The following SMIM27 variants were observed in gnomAD, a reference collection of about 807,000 sequenced individuals.
SMIM27 encodes the protein TOPORS antisense RNA 1 (non-protein coding).
In SMIM27, 3 loss-of-function variants were observed where a neutral mutation model predicts 1.8. The ratio of observed to expected loss-of-function variants is 1.65; its 90% CI spans 0.75 to 4.28. The LOEUF (loss-of-function observed/expected upper bound fraction) is 4.28. SMIM27 is among the 30% of genes most tolerant of loss of function. The pLI is 0.02. For missense variants in SMIM27, 63 were observed against 37.0 expected, an observed-to-expected ratio of 1.70 and a Z score of -1.83; for synonymous variants, 19 against 13.9, an observed-to-expected ratio of 1.37 and a Z score of -0.82.
chr9:32,565,031 G>A (rs961329810), intron 1 of SMIM27, among the ~76,000 whole-genome samples: 8 of 152,106 alleles, frequency 5.3e-5, no homozygotes, highest in Non-Finnish European at 8.8e-5. Flanking sequence ...GGTGGCTCAC[G>A]CTTGTAATCC....
exon 2 of SMIM27, chr9:32,566,484 G>A (rs1821793534): frequency 5.1e-6 from 4 of 790,868 alleles, no homozygotes; most frequent in South Asian, 1.3e-5. Flanking sequence ...AGGGACCCTG[G>A]CAGGAGAACT....
downstream of SMIM27, among the ~76,000 whole-genome samples, chr9:32,556,587 G>T (rs932087247): frequency 6.6e-6 from 1 of 152,138 alleles, no homozygotes; most frequent in Non-Finnish European, 1.5e-5. Context: ...ACAGAAACAA[G>T]AAAGAACCAC....
chr9:32,555,656 G>A (rs534699396), downstream of SMIM27, among the ~76,000 whole-genome samples: 3 of 152,336 alleles, frequency 2.0e-5, no homozygotes, highest in Non-Finnish European at 4.4e-5. Flanking sequence ...CTGCCAGAAT[G>A]TTTGAAATTA....
chr9:32,554,925 G>A (rs1821413880), downstream of SMIM27, among the ~76,000 whole-genome samples: 1 of 152,112 alleles, frequency 6.6e-6, no homozygotes, highest in Non-Finnish European at 1.5e-5. Context: ...AGAAGTAGCT[G>A]GGAAAAAAAG....
At chr9:32,558,381 G>C (rs1563992522) in intron 1 of SMIM27, among the ~76,000 whole-genome samples, 1 of 152,160 alleles carries the variant, frequency 6.6e-6, no homozygotes, top group Non-Finnish European at 1.5e-5. Context: ...AAAGTGCTGG[G>C]ATTACAGGCA....
At chr9:32,556,814 T>C (rs1821467320), downstream of SMIM27, among the ~76,000 whole-genome samples, 1 of 151,408 alleles carries the variant, frequency 6.6e-6, no homozygotes, top group African/African-American at 2.4e-5. Context: ...CACATCAATG[T>C]TACACAATAA....
Position 32,552,967 on chromosome 9 carries a change from T to A in SMIM27, c.*44T>A, listed in dbSNP as rs1821339964. 1 of 661,802 alleles carries A rather than the reference T, an allele frequency of 1.5e-6. No individual in the cohort carries two copies. Among genetic ancestry groups the A allele is most frequent in the Admixed American group, 2.4e-5 (1 of 40,978 alleles). The allele number at this position is 661,802 out of a possible 1,614,324, so 41.0% of individuals were successfully genotyped here. On this transcript the variant is annotated 3_prime_UTR_variant, in exon 2 of 2. Coordinates refer to ENST00000692500, the MANE Select transcript of SMIM27 (RefSeq NM_001387564.1). The stretch of plus-strand genomic sequence containing the variant: ...TCTGAAAATACAGTTCTTTCCCTCA[T>A]GCTTATGTAGATATAAAAATAAAAT...
chr9:32,553,937 G>C (rs143339409), downstream of SMIM27: 1 of 1,589,140 alleles, frequency 6.3e-7, no homozygotes, highest in Admixed American at 1.7e-5. Flanking sequence ...CTCCAGAATT[G>C]TATCACCCTA....
At chr9:32,557,945 T>C (rs369290645), downstream of SMIM27, among the ~76,000 whole-genome samples, 6 of 152,226 alleles carry the variant, frequency 3.9e-5, no homozygotes, top group Admixed American at 6.5e-5. Flanking sequence ...TTTTGAGTTA[T>C]GATAGTTCAT....
rs141538344 is a variant in SMIM27 at position 32,558,836 on chromosome 9, A to G, written c.45+6357A>G. The G allele has an allele frequency of 5.6e-5, 58 of 1,043,792 alleles. No homozygotes were observed. In the African/African-American group the frequency reaches 6.5e-4, roughly 12 times the overall value. 64.7% of individuals were successfully genotyped at this position (1,043,792 alleles called of 1,614,324 possible). The stretch of plus-strand genomic sequence containing the variant: ...GAAGGAAAGAACATTTTAATCTAAT[A>G]ATTGCTTGGAAAGGGAGGAAAAGGA... On this transcript the variant is annotated intron_variant, in intron 1 of 1. Transcript: ENST00000451672.
chr9:32,556,891 G>A (rs970985273), downstream of SMIM27, among the ~76,000 whole-genome samples: 6 of 124,776 alleles, frequency 4.8e-5, no homozygotes, highest in African/African-American at 1.6e-4. Flanking sequence ...GTGCTCTGTC[G>A]CTAAGGCTGG....
chr9:32,565,953 C>T (rs908912900), intron 1 of SMIM27, among the ~76,000 whole-genome samples: 1 of 151,648 alleles, frequency 6.6e-6, no homozygotes, highest in Non-Finnish European at 1.5e-5. Flanking sequence ...GCCTGGGCAA[C>T]GAAAGTGAAA....
chr9:32,562,064 T>C (rs866994535), intron 1 of SMIM27, among the ~76,000 whole-genome samples: 13 of 152,314 alleles, frequency 8.5e-5, no homozygotes, highest in African/African-American at 2.9e-4. Flanking sequence ...TTCCATAAAT[T>C]GGTCCCAGGC....
At chr9:32,563,785 T>C (rs1018945918) in intron 1 of SMIM27, among the ~76,000 whole-genome samples, 1 of 152,260 alleles carries the variant, frequency 6.6e-6, no homozygotes, top group Non-Finnish European at 1.5e-5. Context: ...TTTGCACTCA[T>C]GGATTTTCAT....
At position 32,559,038 on chromosome 9, in the gene SMIM27, A is replaced by C. The variant is rs1297625128; in HGVS notation, c.45+6559A>C. ...GAAATAGGTCATACCCCAAATTTTAACTTAAGCTCCAAACTTTCACAGAAC... is the reference window on the plus strand; with the variant it reads ...GAAATAGGTCATACCCCAAATTTTACCTTAAGCTCCAAACTTTCACAGAAC... On this transcript the variant is annotated intron_variant, in intron 1 of 1. Transcript: ENST00000451672. 14 of 913,378 alleles carry C rather than the reference A, an allele frequency of 1.5e-5. No individual in the cohort carries two copies. In the East Asian group the frequency reaches 3.5e-4, roughly 23 times the overall value. The allele number at this position is 913,378 out of a possible 1,614,324, so 56.6% of individuals were successfully genotyped here. A position where few individuals can be genotyped will look rare whatever the true frequency, so the allele number is the denominator to read the frequency against.
Position 32,552,966 on chromosome 9 carries a change from A to T in SMIM27, c.*43A>T, listed in dbSNP as rs916720029. 3.0e-5 allele frequency: 20 copies of T among 661,008 alleles called. No homozygotes were observed. The highest frequency in any genetic ancestry group is 5.5e-5 in the Non-Finnish European group (20 of 366,200). The allele number at this position is 661,008 out of a possible 1,614,324, so 40.9% of individuals were successfully genotyped here. A position where few individuals can be genotyped will look rare whatever the true frequency, so the allele number is the denominator to read the frequency against. ...ATCTGAAAATACAGTTCTTTCCCTC[A>T]TGCTTATGTAGATATAAAAATAAAA... On this transcript the variant is annotated 3_prime_UTR_variant, in exon 2 of 2. Coordinates refer to ENST00000692500, the MANE Select transcript of SMIM27 (RefSeq NM_001387564.1).
chr9:32,565,561 C>T (rs1337347268), intron 1 of SMIM27: 3 of 152,226 alleles, frequency 2.0e-5, no homozygotes, highest in Non-Finnish European at 2.9e-5. Flanking sequence ...ACTGGTAAAA[C>T]CAGAGAACAG....
At chr9:32,552,176 A>C (rs1260840532), upstream of SMIM27, 15 of 48,526 alleles carry the variant, frequency 3.1e-4, no homozygotes, top group Non-Finnish European at 1.3e-4. Context: ...TTAGTTGGCA[A>C]AAAAAAAAAA....
downstream of SMIM27, among the ~76,000 whole-genome samples, chr9:32,556,846 CTTTTTT>C (rs10703297): frequency 2.4e-4 from 20 of 82,384 alleles, no homozygotes; most frequent in South Asian, 1.5e-3. Flanking sequence ...AAATCCCCTA[CTTTTTT>C]TTTTTTTTTT....
Sources: gnomAD v4.1 joint callset for allele counts (sites outside exome capture counted in the v4.1 genomes callset) on GRCh38, gnomAD v4.1.1 for gene constraint, MANE v1.5 for transcripts, NCBI Gene and HGNC (gene_info 2026-07-23, HGNC 2026-07-21) for gene names.